The following KHDRBS3 variants were observed in gnomAD, a reference collection of about 807,000 sequenced individuals.
The protein encoded by KHDRBS3 is KH RNA binding domain containing, signal transduction associated 3.
A neutral mutation model predicts 45.6 loss-of-function variants in KHDRBS3; 23 were observed. The observed-to-expected ratio is 0.50, with a 90% CI of 0.36 to 0.72. KHDRBS3 has a LOEUF of 0.72. KHDRBS3 is among the 30% of genes least tolerant of loss of function. The pLI is 0.00. For synonymous variants in KHDRBS3, 162 were observed against 156.5 expected, an observed-to-expected ratio of 1.04 and a Z score of -0.26; for missense variants, 352 against 424.8, an observed-to-expected ratio of 0.83 and a Z score of 1.51.
rs116255744 is a variant in KHDRBS3, at chr8:135,565,152, G to T, written c.611+7565G>T. 8.8e-3 allele frequency among the ~76,000 whole-genome samples: 1,346 copies of T among 152,208 alleles called. 21 individuals are homozygous for T. The highest frequency in any genetic ancestry group is 0.031 in the African/African-American group (1,274 of 41,510). ...GGTGGACTCATTGTTCGTGATTCCCGCTAAGTGGAAGGATTCCAAAGGAGC... is the reference window on the plus strand; with the variant it reads ...GGTGGACTCATTGTTCGTGATTCCCTCTAAGTGGAAGGATTCCAAAGGAGC... On this transcript the variant is annotated intron_variant, in intron 5 of 8. Coordinates refer to ENST00000355849, the MANE Select transcript of KHDRBS3 (RefSeq NM_006558.3).
chr8:135,580,702 T>C (rs979788988), intron 5 of KHDRBS3, among the ~76,000 whole-genome samples: 7 of 150,426 alleles, frequency 4.7e-5, no homozygotes, highest in African/African-American at 1.5e-4. Flanking sequence ...AACCTCAGCC[T>C]CTTGGGTTCA....
intron 2 of KHDRBS3, among the ~76,000 whole-genome samples, chr8:135,528,795 G>T (rs1382025578): frequency 6.6e-6 from 1 of 152,174 alleles, no homozygotes; most frequent in Non-Finnish European, 1.5e-5. Context: ...GTATGCGGAA[G>T]AGCAAAAAGA....
intron 7 of KHDRBS3, among the ~76,000 whole-genome samples, chr8:135,638,322 G>A (rs190424385): frequency 6.6e-6 from 1 of 152,288 alleles, no homozygotes; most frequent in East Asian, 1.9e-4. Flanking sequence ...GGAGGACCCA[G>A]GAGCCCCCAG....
At chr8:135,586,581 G>A (rs958861017) in intron 6 of KHDRBS3, among the ~76,000 whole-genome samples, 19 of 152,078 alleles carry the variant, frequency 1.2e-4, no homozygotes, top group African/African-American at 2.9e-4. Flanking sequence ...TGAACAAAGC[G>A]CTACTAATAC....
At chr8:135,507,849 T>C (rs546945208) in intron 1 of KHDRBS3, among the ~76,000 whole-genome samples, 2 of 152,352 alleles carry the variant, frequency 1.3e-5, no homozygotes, top group Non-Finnish European at 2.9e-5. Flanking sequence ...TGCAAACTGA[T>C]TTTTCATCAG....
In KHDRBS3 at chr8:135,496,843, G is replaced by A. The variant is rs533142869; in HGVS notation, c.89-24394G>A. ...GCTGGGAGCTTAGCTGGAGTTCTTG[G>A]CCAACTAGCTTGCCTGTTGCTTGCC... On this transcript the variant is annotated intron_variant, in intron 1 of 8. Transcript: ENST00000355849. Among the ~76,000 whole-genome samples the A allele has an allele frequency of 3.3e-5, 5 of 152,326 alleles. No homozygotes were observed. In the East Asian group the frequency reaches 9.6e-4, roughly 29 times the overall value.
downstream of KHDRBS3, chr8:135,647,741 A>G (rs1047127791): frequency 6.6e-6 from 1 of 152,240 alleles, no homozygotes; most frequent in Non-Finnish European, 1.5e-5. Context: ...ACATTGTACA[A>G]CTTATTTTAA....
chr8:135,510,564 A>T (rs1824228841), intron 1 of KHDRBS3, among the ~76,000 whole-genome samples: 1 of 152,144 alleles, frequency 6.6e-6, no homozygotes, highest in African/African-American at 2.4e-5. Context: ...CCTCCTGAGT[A>T]GCTGGGACTA....
intron 4 of KHDRBS3, chr8:135,549,556 G>A (rs1826482241): frequency 6.6e-6 from 1 of 152,184 alleles, no homozygotes. Flanking sequence ...CCTCTGTTAC[G>A]AAAGTTGATT....
At chr8:135,629,503 T>C (rs1483159164) in intron 7 of KHDRBS3, among the ~76,000 whole-genome samples, 2 of 152,198 alleles carry the variant, frequency 1.3e-5, no homozygotes, top group African/African-American at 2.4e-5. Flanking sequence ...ACTTAAAAGA[T>C]TTAACTGCCT....
chr8:135,573,372 T>A (rs1827798274), intron 5 of KHDRBS3, among the ~76,000 whole-genome samples: 1 of 152,204 alleles, frequency 6.6e-6, no homozygotes, highest in South Asian at 2.1e-4. Flanking sequence ...AGAACTGACA[T>A]GAGTTGTACT....
chr8:135,584,666 A>G (rs566673468), intron 6 of KHDRBS3, among the ~76,000 whole-genome samples: 2 of 152,328 alleles, frequency 1.3e-5, no homozygotes, highest in East Asian at 3.9e-4. Context: ...GGTACTTGGT[A>G]TAAGGAGTAG....
At chr8:135,537,581 G>T (rs1475357798) in intron 2 of KHDRBS3, among the ~76,000 whole-genome samples, 2 of 152,148 alleles carry the variant, frequency 1.3e-5, no homozygotes, top group Non-Finnish European at 2.9e-5. Context: ...CCAACTCAGG[G>T]TATGTGACTT....
intron 7 of KHDRBS3, among the ~76,000 whole-genome samples, chr8:135,613,704 C>G (rs996127167): frequency 1.3e-5 from 2 of 151,620 alleles, no homozygotes; most frequent in African/African-American, 2.4e-5. Context: ...TTGCAAAGGG[C>G]TTCTTTCCTG....
intron 6 of KHDRBS3, among the ~76,000 whole-genome samples, chr8:135,584,802 A>G (rs1166922813): frequency 1.3e-5 from 2 of 152,008 alleles, no homozygotes; most frequent in African/African-American, 4.8e-5. Context: ...ACAGCTTGCA[A>G]CCTCTGGCAT....
At chr8:135,608,145 T>C (rs1829549787) in intron 7 of KHDRBS3, among the ~76,000 whole-genome samples, 1 of 152,188 alleles carries the variant, frequency 6.6e-6, no homozygotes, top group African/African-American at 2.4e-5. Context: ...TTATGAAGTA[T>C]ATGCCATTGT....
intron 2 of KHDRBS3, among the ~76,000 whole-genome samples, chr8:135,529,051 C>A (rs1381054922): frequency 6.6e-6 from 1 of 152,174 alleles, no homozygotes; most frequent in African/African-American, 2.4e-5. Context: ...CATTTAGTTA[C>A]TATGAGTCAC....
chr8:135,560,631 G>C (rs888292055), intron 5 of KHDRBS3, among the ~76,000 whole-genome samples: 1 of 152,126 alleles, frequency 6.6e-6, no homozygotes, highest in East Asian at 1.9e-4. Flanking sequence ...TAGTTTTTTT[G>C]TTTATTTTGA....
chr8:135,644,948 T>A, intron 7 of KHDRBS3, 111 bp from the exon 8 acceptor site: 1 of 1,113,614 alleles, frequency 9.0e-7, no homozygotes, highest in Non-Finnish European at 1.3e-6. Context: ...TCTTTGAATT[T>A]TCAGTCTTGC....
Sources: gnomAD v4.1 joint callset for allele counts (sites outside exome capture counted in the v4.1 genomes callset) on GRCh38, gnomAD v4.1.1 for gene constraint, MANE v1.5 for transcripts, NCBI Gene and HGNC (gene_info 2026-07-23, HGNC 2026-07-21) for gene names.